Variants in HNRNPD observed in about 807,000 individuals in gnomAD.
HNRNPD encodes the protein heterogeneous nuclear ribonucleoprotein D0.
A neutral mutation model predicts 47.9 loss-of-function variants in HNRNPD; 3 were observed. The observed-to-expected ratio is 0.06, with a 90% CI of 0.03 to 0.16. The LOEUF is 0.16. Ranked by LOEUF, HNRNPD falls within the 10% of genes least tolerant of loss-of-function variation. The pLI, the probability that HNRNPD is intolerant of heterozygous loss-of-function variation, is 1.00. For synonymous variants in HNRNPD, 171 were observed against 165.1 expected (o/e 1.04, Z -0.28); for missense variants, 287 against 454.2 (o/e 0.63, Z 3.35).
In HNRNPD at chr4:82,372,952, T is replaced by G. The variant is rs540514307; in HGVS notation, c.233+494A>C. 7.9e-5 allele frequency among the ~76,000 whole-genome samples: 12 copies of G among 152,332 alleles called. No individual in the cohort carries two copies. The East Asian group carries it at 2.1e-3, about 27-fold the overall frequency. On this transcript the variant is annotated intron_variant, in intron 1 of 8. Transcript: ENST00000313899. ...GAGGCAGAGGTGGACAGCCTACGCG[T>G]TCCCCAAAACATGTGCTTATAAACA...
chr4:82,368,985 T>C (rs1369510796), intron 2 of HNRNPD, among the ~76,000 whole-genome samples: 1 of 152,204 alleles, frequency 6.6e-6, no homozygotes, highest in Non-Finnish European at 1.5e-5. Flanking sequence ...AAAGAAGCAT[T>C]GCTGGACTTT....
chr4:82,369,575 C>CTCTA (rs3840294), intron 2 of HNRNPD, among the ~76,000 whole-genome samples: 88,915 of 151,356 alleles, frequency 0.59, 27,143 homozygotes, highest in East Asian at 0.8. Flanking sequence ...AATTTGGATA[C>CTCTA]TCTATTAACC....
chr4:82,357,049 T>C (rs1432487816), intron 5 of HNRNPD, among the ~76,000 whole-genome samples, 154 bp from the exon 6 acceptor site: 1 of 152,266 alleles, frequency 6.6e-6, no homozygotes, highest in African/African-American at 2.4e-5. Context: ...TATTTAGTAC[T>C]TAAGAGTAAT....
intron 4 of HNRNPD, 31 bp downstream of exon 4, chr4:82,358,628 C>A: frequency 6.3e-7 from 1 of 1,584,294 alleles, no homozygotes; most frequent in Non-Finnish European, 8.6e-7. Flanking sequence ...CTAATTTTGA[C>A]ATAAACTGGG....
intron 1 of HNRNPD, among the ~76,000 whole-genome samples, chr4:82,372,333 G>GGTA (rs1720086791): frequency 6.6e-6 from 1 of 152,106 alleles, no homozygotes; most frequent in African/African-American, 2.4e-5. Flanking sequence ...TGCAGATTTA[G>GGTA]GTAGTATATA....
chr4:82,358,857 T>C, intron 3 of HNRNPD, 37 bp from the exon 4 acceptor site: 1 of 1,449,202 alleles, frequency 6.9e-7, no homozygotes, highest in Non-Finnish European at 9.5e-7. Context: ...AAAATATATA[T>C]CTTAACTGAA....
In HNRNPD at chr4:82,360,200, TAAAC is replaced by T. The variant is rs565135582; in HGVS notation, c.291-565_291-562del. ...CTTAAGACAAAAGTAATGTGCAATA[TAAAC>T]AATTTAGTGAAAATTATCCATTGAA... On this transcript the variant is annotated intron_variant, in intron 2 of 8. Coordinates refer to ENST00000313899, the MANE Select transcript of HNRNPD (RefSeq NM_031370.3). 2.0e-5 allele frequency among the ~76,000 whole-genome samples: 3 copies of T among 152,214 alleles called. No individual in the cohort carries two copies. The South Asian group carries it at 6.2e-4, about 32-fold the overall frequency.
chr4:82,360,276 C>G (rs1409570236), intron 2 of HNRNPD, among the ~76,000 whole-genome samples: 1 of 152,030 alleles, frequency 6.6e-6, no homozygotes, highest in African/African-American at 2.4e-5. Flanking sequence ...AGTAGAACCT[C>G]AGTTAACCAG....
Position 82,373,775 on chromosome 4 carries a change from G to A in HNRNPD, c.-97C>T. 6.6e-7 allele frequency: 1 copy of A among 1,524,736 alleles called. No homozygotes were observed. The highest frequency in any genetic ancestry group is 2.3e-4 in the Middle Eastern group (1 of 4,324). The allele number at this position is 1,524,736 out of a possible 1,614,324, so 94.5% of individuals were successfully genotyped here. On this transcript the variant is annotated 5_prime_UTR_variant, in exon 1 of 9. Transcript: ENST00000313899. Reference sequence around the variant, plus strand: ...TAATCCCCGCCGCTGCCGCGCGCCCGCTCTACCTCGCGAAGCACACAAGAC... The same window carrying A: ...TAATCCCCGCCGCTGCCGCGCGCCCACTCTACCTCGCGAAGCACACAAGAC...
intron 7 of HNRNPD, 36 bp downstream of exon 7, chr4:82,356,501 T>C: frequency 6.6e-7 from 1 of 1,515,470 alleles, no homozygotes; most frequent in Non-Finnish European, 9.1e-7. Flanking sequence ...AAAATAAATG[T>C]CAAATAGCAG....
chr4:82,352,881 A>G lies in HNRNPD; in HGVS notation c.*1304T>C, dbSNP rs767477299. On this transcript the variant is annotated 3_prime_UTR_variant, in exon 9 of 9. Transcript: ENST00000313899. ...TTCTTAGCATCAGATGTAACTCCAC[A>G]AAAGTAAGAAAGGTATTCCATCACT... 1 of 152,198 alleles carries G rather than the reference A, an allele frequency of 6.6e-6. No individual in the cohort carries two copies. The highest frequency in any genetic ancestry group is 1.5e-5 in the Non-Finnish European group (1 of 68,028). The allele number at this position is 152,198 out of a possible 1,614,324, so 9.4% of individuals were successfully genotyped here.
At chr4:82,366,524 A>AT (rs1158816660) in intron 2 of HNRNPD, among the ~76,000 whole-genome samples, 4 of 151,788 alleles carry the variant, frequency 2.6e-5, no homozygotes, top group African/African-American at 4.8e-5. Flanking sequence ...GATGACAGGC[A>AT]TAAGCCACCG....
chr4:82,371,744 C>A (rs1253515513), intron 1 of HNRNPD, among the ~76,000 whole-genome samples, 160 bp from the exon 2 acceptor site: 1 of 152,156 alleles, frequency 6.6e-6, no homozygotes, highest in Admixed American at 6.5e-5. Context: ...AGAAAGCCTG[C>A]CCCAAACAGG....
intron 1 of HNRNPD, among the ~76,000 whole-genome samples, chr4:82,372,486 T>C (rs540185915): frequency 9.6e-4 from 146 of 151,972 alleles, no homozygotes; most frequent in Non-Finnish European, 4.6e-4. Flanking sequence ...GAAACAGATA[T>C]CAAGACACCA....
chr4:82,371,711 C>A (rs1720055114), intron 1 of HNRNPD, 127 bp from the exon 2 acceptor site: 3 of 634,694 alleles, frequency 4.7e-6, no homozygotes, highest in African/African-American at 1.8e-5. Context: ...AGCTGCTTTG[C>A]GATTTGAATT....
rs1046896913 is a variant in HNRNPD, at chr4:82,355,632, A to T, written c.1001-231T>A. On this transcript the variant is annotated intron_variant, in intron 7 of 8. Coordinates refer to ENST00000313899, the MANE Select transcript of HNRNPD (RefSeq NM_031370.3). ...CTTGACTTATTGTATAAAATGGGAG[A>T]CAATCCCCTCACCCTTACAGTTTAA... is the stretch of plus-strand genomic sequence containing the variant. The T allele has an allele frequency of 1.3e-5, 7 of 549,696 alleles. No individual in the cohort carries two copies. The African/African-American group carries it at 1.3e-4, about 11-fold the overall frequency. The allele number at this position is 549,696 out of a possible 1,614,324, so 34.1% of individuals were successfully genotyped here. A position where few individuals can be genotyped will look rare whatever the true frequency, so the allele number is the denominator to read the frequency against.
chr4:82,371,653 T>C, intron 1 of HNRNPD, 69 bp from the exon 2 acceptor site: 3 of 1,249,018 alleles, frequency 2.4e-6, no homozygotes, highest in Non-Finnish European at 2.3e-6. Context: ...CTGTTAGGGT[T>C]AAAAACTTTA....
chr4:82,368,026 T>C (rs1253118471), intron 2 of HNRNPD, among the ~76,000 whole-genome samples: 2 of 152,188 alleles, frequency 1.3e-5, no homozygotes, highest in African/African-American at 4.8e-5. Context: ...CAGTGCCCTA[T>C]CTACTAAAAC....
chr4:82,357,514 GA>G (rs1723766354), intron 4 of HNRNPD, 70 bp from the exon 5 acceptor site: 37 of 1,347,384 alleles, frequency 2.7e-5, no homozygotes, highest in Non-Finnish European at 3.7e-5. Flanking sequence ...CACAAGTTTA[GA>G]GGGGGGAAAA....
Sources: gnomAD v4.1 joint callset for allele counts (sites outside exome capture counted in the v4.1 genomes callset) on GRCh38, gnomAD v4.1.1 for gene constraint, MANE v1.5 for transcripts, NCBI Gene and HGNC (gene_info 2026-07-23, HGNC 2026-07-21) for gene names.